ATG10: variants seen among roughly 807,000 people sequenced by gnomAD.
The protein encoded by ATG10 is autophagy related 10.
A neutral mutation model predicts 32.1 loss-of-function variants in ATG10; 30 were observed. The observed-to-expected ratio is 0.94, with a 90% CI of 0.70 to 1.27. The LOEUF (loss-of-function observed/expected upper bound fraction) is 1.27, where lower values mean the gene tolerates loss of function less well. Ranked by LOEUF, ATG10 falls within the 50% of genes most tolerant of loss-of-function variation. The probability of loss-of-function intolerance (pLI) is 0.00; values close to 1 mark genes in which losing one functional copy is unlikely to be tolerated. For synonymous variants in ATG10, 87 were observed against 91.5 expected, an observed-to-expected ratio of 0.95 and a Z score of 0.28; for missense variants, 233 against 262.3, an observed-to-expected ratio of 0.89 and a Z score of 0.77.
At chr5:82,035,012 A>C (rs2149720161) in intron 2 of ATG10, among the ~76,000 whole-genome samples, 1 of 152,028 alleles carries the variant, frequency 6.6e-6, no homozygotes, top group South Asian at 2.1e-4. Flanking sequence ...CCCAGGTTCA[A>C]GCGATACCCC....
At chr5:82,074,300 G>T (rs1408764680) in intron 3 of ATG10, among the ~76,000 whole-genome samples, 1 of 152,138 alleles carries the variant, frequency 6.6e-6, no homozygotes, top group Admixed American at 6.5e-5. Context: ...AAACGTAAAC[G>T]CCATCTCACA....
rs532406680 is a variant in ATG10 at position 82,131,673 on chromosome 5, G to A, written c.217-32726G>A. ...TTTTTTTTGATCACTTTCTAGCCCT[G>A]TGATCTAGGGTGAGATTGTCTGCCC... On this transcript the variant is annotated intron_variant, in intron 3 of 7. Coordinates refer to ENST00000282185, the MANE Select transcript of ATG10 (RefSeq NM_031482.5). Among the ~76,000 whole-genome samples the A allele has an allele frequency of 2.3e-3, 340 of 150,250 alleles. 2 individuals carry two copies. Among genetic ancestry groups the A allele is most frequent in the African/African-American group, 8.0e-3 (328 of 40,838 alleles).
chr5:82,047,196 A>G (rs1004843079), intron 2 of ATG10, among the ~76,000 whole-genome samples: 6 of 152,164 alleles, frequency 3.9e-5, no homozygotes, highest in African/African-American at 1.2e-4. Context: ...CCCTGGCACA[A>G]ATAAGCAGGA....
chr5:81,975,316 T>C (rs1256321526), intron 1 of ATG10, among the ~76,000 whole-genome samples: 5 of 152,204 alleles, frequency 3.3e-5, no homozygotes, highest in African/African-American at 1.2e-4. Context: ...GAATGTGTAT[T>C]CTGAAAAATA....
intron 2 of ATG10, among the ~76,000 whole-genome samples, chr5:81,993,278 C>T (rs916305056): frequency 1.4e-5 from 2 of 138,488 alleles, no homozygotes; most frequent in Non-Finnish European, 3.1e-5. Flanking sequence ...AGAGTTTAGC[C>T]TGATTTCTTT....
chr5:82,202,031 T>C (rs1360994514), intron 5 of ATG10, among the ~76,000 whole-genome samples: 3 of 152,204 alleles, frequency 2.0e-5, no homozygotes, highest in African/African-American at 4.8e-5. Flanking sequence ...AGCTTTGTTA[T>C]AGTTTGGGGA....
chr5:82,043,387 C>T (rs1763143739), intron 2 of ATG10, among the ~76,000 whole-genome samples: 1 of 152,208 alleles, frequency 6.6e-6, no homozygotes, highest in Non-Finnish European at 1.5e-5. Context: ...CCAGGGCTGT[C>T]ATGGGACGGG....
intron 5 of ATG10, among the ~76,000 whole-genome samples, chr5:82,185,386 A>T (rs753965008): frequency 1.3e-5 from 2 of 152,140 alleles, no homozygotes; most frequent in African/African-American, 4.8e-5. Flanking sequence ...GTGGGAAGAA[A>T]CTCGTTGATT....
At chr5:82,198,539 T>C (rs1581793950) in intron 5 of ATG10, among the ~76,000 whole-genome samples, 1 of 152,120 alleles carries the variant, frequency 6.6e-6, no homozygotes, top group Non-Finnish European at 1.5e-5. Context: ...GGATTACAGG[T>C]GTGAGGCACC....
chr5:81,978,518 T>G (rs1438817767), intron 1 of ATG10, among the ~76,000 whole-genome samples: 2 of 152,354 alleles, frequency 1.3e-5, no homozygotes, highest in Non-Finnish European at 2.9e-5. Flanking sequence ...GAGTTTGAGC[T>G]GTGGATCAGC....
At chr5:81,978,743 C>T (rs1360057845) in intron 1 of ATG10, among the ~76,000 whole-genome samples, 1 of 151,914 alleles carries the variant, frequency 6.6e-6, no homozygotes, top group East Asian at 1.9e-4. Flanking sequence ...TCACTGCAAC[C>T]TTGAATTCCT....
At chr5:82,005,616 T>G (rs1400522823) in intron 2 of ATG10, among the ~76,000 whole-genome samples, 1 of 152,222 alleles carries the variant, frequency 6.6e-6, no homozygotes, top group East Asian at 1.9e-4. Flanking sequence ...TTGGGATTTG[T>G]GCAACATTGA....
chr5:82,085,775 T>A (rs974301660), intron 3 of ATG10, among the ~76,000 whole-genome samples: 1 of 152,162 alleles, frequency 6.6e-6, no homozygotes, highest in African/African-American at 2.4e-5. Context: ...GGTACAAAGT[T>A]TAAACAAGGC....
At chr5:82,127,777 T>G (rs1750930374) in intron 3 of ATG10, among the ~76,000 whole-genome samples, 3 of 152,104 alleles carry the variant, frequency 2.0e-5, no homozygotes, top group Admixed American at 2.0e-4. Context: ...GGTGGAGAGT[T>G]CTGTAGGTGT....
intron 5 of ATG10, among the ~76,000 whole-genome samples, chr5:82,219,763 GT>G (rs1217160706): frequency 6.6e-6 from 1 of 152,128 alleles, no homozygotes; most frequent in African/African-American, 2.4e-5. Flanking sequence ...TAACTATACT[GT>G]TTGCTCTACA....
intron 2 of ATG10, among the ~76,000 whole-genome samples, chr5:82,057,590 A>C (rs1404220991): frequency 6.6e-6 from 1 of 152,188 alleles, no homozygotes; most frequent in African/African-American, 2.4e-5. Context: ...ATTAAAATGT[A>C]AATGTTGGTA....
intron 2 of ATG10, among the ~76,000 whole-genome samples, chr5:82,029,952 A>T (rs1762699318): frequency 6.6e-6 from 1 of 152,200 alleles, no homozygotes; most frequent in African/African-American, 2.4e-5. Context: ...GAGGAAACTA[A>T]GGTCACATGT....
chr5:82,034,023 A>G (rs1408809709), intron 2 of ATG10, among the ~76,000 whole-genome samples: 1 of 148,440 alleles, frequency 6.7e-6, no homozygotes. Flanking sequence ...ATATATATAC[A>G]TATATAAAAT....
chr5:82,013,759 T>G (rs1256849170), intron 2 of ATG10, among the ~76,000 whole-genome samples: 1 of 152,202 alleles, frequency 6.6e-6, no homozygotes. Flanking sequence ...TAACTAGTGA[T>G]GTAGAGCATT....
Sources: gnomAD v4.1 joint callset for allele counts (sites outside exome capture counted in the v4.1 genomes callset) on GRCh38, gnomAD v4.1.1 for gene constraint, MANE v1.5 for transcripts, NCBI Gene and HGNC (gene_info 2026-07-23, HGNC 2026-07-21) for gene names.